Variants in AFTPH observed in about 807,000 individuals in gnomAD.
AFTPH encodes aftiphilin.
AFTPH carries 7 observed loss-of-function variants against 72.5 expected under a neutral mutation model. The observed-to-expected ratio is 0.10, with a 90% CI of 0.05 to 0.18. AFTPH has a LOEUF of 0.18. Among genes scored for constraint, AFTPH ranks in the 10% least tolerant of loss-of-function variants. The pLI, the probability that AFTPH is intolerant of heterozygous loss-of-function variation, is 1.00. For missense variants in AFTPH, 979 were observed against 1,060.5 expected, an observed-to-expected ratio of 0.92 and a Z score of 1.07; for synonymous variants, 337 against 370.1, an observed-to-expected ratio of 0.91 and a Z score of 1.03.
intron 1 of AFTPH, among the ~76,000 whole-genome samples, chr2:64,546,942 G>T (rs894163499): frequency 6.6e-6 from 1 of 152,066 alleles, no homozygotes; most frequent in Admixed American, 6.5e-5. Context: ...CCAGCTGCTT[G>T]GGAGGCTGAG....
chr2:64,528,281 T>C (rs1669400066), intron 1 of AFTPH, among the ~76,000 whole-genome samples: 1 of 152,216 alleles, frequency 6.6e-6, no homozygotes, highest in African/African-American at 2.4e-5. Flanking sequence ...GTTATCTTCT[T>C]CCTTTCATTC....
intron 2 of AFTPH, among the ~76,000 whole-genome samples, chr2:64,554,693 A>C (rs957534900): frequency 1.3e-5 from 2 of 152,214 alleles, no homozygotes; most frequent in African/African-American, 4.8e-5. Context: ...TGGTTTAGCT[A>C]ATGTGTATTA....
intron 7 of AFTPH, among the ~76,000 whole-genome samples, chr2:64,583,963 A>G (rs1673355480): frequency 6.6e-6 from 1 of 152,080 alleles, no homozygotes; most frequent in Admixed American, 6.6e-5. Context: ...TCTTAAAAGG[A>G]AAAAAACTTG....
chr2:64,545,212 G>A (rs150771441), intron 1 of AFTPH, among the ~76,000 whole-genome samples: 1 of 152,114 alleles, frequency 6.6e-6, no homozygotes, highest in African/African-American at 2.4e-5. Context: ...AAGGTATTAT[G>A]AGCATGTAAA....
intron 1 of AFTPH, among the ~76,000 whole-genome samples, chr2:64,532,047 C>T (rs1291640308): frequency 6.6e-6 from 1 of 152,116 alleles, no homozygotes; most frequent in African/African-American, 2.4e-5. Flanking sequence ...TGATCACAAA[C>T]TATAACTTAC....
chr2:64,543,494 C>T (rs186416042), intron 1 of AFTPH, among the ~76,000 whole-genome samples: 6 of 152,318 alleles, frequency 3.9e-5, no homozygotes, highest in Middle Eastern at 3.4e-3. Flanking sequence ...TTCTGGAAGG[C>T]TGATTGCTTC....
At chr2:64,556,167 T>C (rs541337948) in intron 2 of AFTPH, among the ~76,000 whole-genome samples, 7 of 152,260 alleles carry the variant, frequency 4.6e-5, no homozygotes, top group African/African-American at 9.6e-5. Flanking sequence ...TTTGTACTTT[T>C]ATTGGAGATG....
exon 9 of AFTPH, chr2:64,592,923 A>C (rs1328694921): frequency 6.5e-6 from 1 of 152,692 alleles, no homozygotes; most frequent in Non-Finnish European, 1.5e-5. Context: ...TAACAAGGTT[A>C]ATGTGCATGC....
chr2:64,588,470 T>C (rs900991567), intron 8 of AFTPH, among the ~76,000 whole-genome samples: 2 of 152,230 alleles, frequency 1.3e-5, no homozygotes, highest in African/African-American at 2.4e-5. Flanking sequence ...CTGGGTCTTA[T>C]AGGAACTCTA....
chr2:64,546,632 A>AT (rs1358118832), intron 1 of AFTPH, among the ~76,000 whole-genome samples: 2 of 151,942 alleles, frequency 1.3e-5, no homozygotes, highest in African/African-American at 2.4e-5. Flanking sequence ...ATACAAATAA[A>AT]TTTTTTTTCT....
At chr2:64,577,966 T>TA (rs200617754) in intron 6 of AFTPH, among the ~76,000 whole-genome samples, 3,217 of 149,304 alleles carry the variant, frequency 0.022, 47 homozygotes, top group Non-Finnish European at 0.03. Context: ...CCAGTCAAGA[T>TA]ACAAAACTCT....
chr2:64,536,483 C>T (rs963951541), intron 1 of AFTPH, among the ~76,000 whole-genome samples: 4 of 149,134 alleles, frequency 2.7e-5, no homozygotes, highest in South Asian at 2.1e-4. Flanking sequence ...GTGGGAGAAT[C>T]GCCTGAACCT....
chr2:64,556,343 G>T (rs1255488301), intron 2 of AFTPH, among the ~76,000 whole-genome samples: 2 of 152,154 alleles, frequency 1.3e-5, no homozygotes, highest in African/African-American at 4.8e-5. Context: ...AAGTTGAAAT[G>T]ATTTATTTCT....
At chr2:64,581,039 TTGTTTTAA>T (rs1358225174) in intron 7 of AFTPH, 143 bp from the exon 8 acceptor site, 15 of 551,070 alleles carry the variant, frequency 2.7e-5, no homozygotes, top group Non-Finnish European at 4.2e-5. Flanking sequence ...ACTGTACACA[TTGTTTTAA>T]TGTTGATTTT....
intron 7 of AFTPH, chr2:64,580,486 A>G (rs548750876): frequency 6.5e-6 from 1 of 152,784 alleles, no homozygotes; most frequent in African/African-American, 2.4e-5. Context: ...AAAGCATCCA[A>G]TTGAATTAAT....
chr2:64,549,688 GA>G (rs911735597), intron 1 of AFTPH, among the ~76,000 whole-genome samples: 1 of 151,724 alleles, frequency 6.6e-6, no homozygotes, highest in African/African-American at 2.4e-5. Context: ...TTTCATTTAA[GA>G]ATTAAATGTA....
intron 2 of AFTPH, among the ~76,000 whole-genome samples, chr2:64,562,902 G>A (rs1427066741): frequency 6.6e-6 from 1 of 152,198 alleles, no homozygotes; most frequent in African/African-American, 2.4e-5. Context: ...AGCTCAGCCA[G>A]TGTCACTTCA....
intron 1 of AFTPH, among the ~76,000 whole-genome samples, chr2:64,542,440 A>C (rs1032137628): frequency 6.6e-6 from 1 of 152,160 alleles, no homozygotes; most frequent in Non-Finnish European, 1.5e-5. Flanking sequence ...CATCTAACCA[A>C]ATAGGAGCTA....
At chr2:64,527,738 TA>T (rs1337585883) in intron 1 of AFTPH, among the ~76,000 whole-genome samples, 1 of 152,192 alleles carries the variant, frequency 6.6e-6, no homozygotes, top group East Asian at 1.9e-4. Flanking sequence ...GCTTCTAAGT[TA>T]AAAAAATGTT....
Sources: allele counts gnomAD v4.1 joint callset (sites outside exome capture counted in the v4.1 genomes callset), GRCh38; gene constraint gnomAD v4.1.1; transcripts MANE v1.5; gene names NCBI Gene and HGNC (gene_info 2026-07-23, HGNC 2026-07-21).